Variants in ARB2A observed in about 807,000 individuals in gnomAD.
ARB2A encodes the protein ARB2 cotranscriptional regulator A, also known as cotranscriptional regulator ARB2A.
At chr5:94,015,766 T>A in the ARB2A span, among the ~76,000 whole-genome samples, 2 of 152,098 alleles carry the variant, frequency 1.3e-5, no homozygotes, top group African/African-American at 4.8e-5. Context: ...GTAAACCTCA[T>A]GATAACCACA....
At chr5:93,725,342 A>G in the ARB2A span, among the ~76,000 whole-genome samples, 1 of 152,084 alleles carries the variant, frequency 6.6e-6, no homozygotes. Context: ...TAATACCCCT[A>G]TCTCTTTCCA....
At chr5:93,901,303 G>A in the ARB2A span, among the ~76,000 whole-genome samples, 1 of 152,174 alleles carries the variant, frequency 6.6e-6, no homozygotes, top group Non-Finnish European at 1.5e-5. Context: ...CAAAGTAGAG[G>A]AGGAAATAAG....
At chr5:93,746,008 G>A in the ARB2A span, among the ~76,000 whole-genome samples, 8 of 152,250 alleles carry the variant, frequency 5.3e-5, no homozygotes, top group South Asian at 1.7e-3. Flanking sequence ...GAAAACTCTG[G>A]CAGCTGAGTA....
the ARB2A span, among the ~76,000 whole-genome samples, chr5:93,856,207 G>A: frequency 6.6e-6 from 1 of 152,072 alleles, no homozygotes; most frequent in Non-Finnish European, 1.5e-5. Context: ...TTTCTCTCTG[G>A]CTGCCCTTAA....
At chr5:93,780,404 A>C in the ARB2A span, among the ~76,000 whole-genome samples, 4 of 151,744 alleles carry the variant, frequency 2.6e-5, no homozygotes, top group Admixed American at 2.6e-4. Flanking sequence ...TTTACCTTTT[A>C]CCTCTCTCTC....
the ARB2A span, among the ~76,000 whole-genome samples, chr5:93,996,297 A>G: frequency 6.6e-6 from 1 of 152,152 alleles, no homozygotes; most frequent in Non-Finnish European, 1.5e-5. Context: ...CAAAAAATAA[A>G]TAACTGTTTC....
At chr5:93,860,247 C>A in the ARB2A span, among the ~76,000 whole-genome samples, 1 of 152,072 alleles carries the variant, frequency 6.6e-6, no homozygotes, top group East Asian at 1.9e-4. Flanking sequence ...GAGCCAAGAT[C>A]GTGCCACTGC....
chr5:94,087,980 C>G, the ARB2A span, among the ~76,000 whole-genome samples: 1 of 152,168 alleles, frequency 6.6e-6, no homozygotes, highest in Non-Finnish European at 1.5e-5. Context: ...CAGAAAATAT[C>G]CCCAACATTA....
the ARB2A span, among the ~76,000 whole-genome samples, chr5:93,983,987 T>C: frequency 1.3e-5 from 2 of 152,146 alleles, no homozygotes; most frequent in Non-Finnish European, 2.9e-5. Context: ...CTGGATTTGA[T>C]CCTGTACTTC....
chr5:94,064,501 CCAAT>C, the ARB2A span, among the ~76,000 whole-genome samples: 1 of 152,062 alleles, frequency 6.6e-6, no homozygotes, highest in Non-Finnish European at 1.5e-5. Flanking sequence ...ACATAAATCC[CCAAT>C]CAAATACAAT....
chr5:93,676,868 T>C, the ARB2A span, among the ~76,000 whole-genome samples: 3 of 152,178 alleles, frequency 2.0e-5, no homozygotes, highest in Non-Finnish European at 4.4e-5. Flanking sequence ...TGGTGCTCAA[T>C]GACTGCTTGT....
At chr5:93,975,221 G>T in the ARB2A span, among the ~76,000 whole-genome samples, 1 of 150,980 alleles carries the variant, frequency 6.6e-6, no homozygotes, top group East Asian at 2.0e-4. Context: ...AGAGACTGAG[G>T]CAGGAGAATC....
At chr5:93,984,164 T>C in the ARB2A span, among the ~76,000 whole-genome samples, 1 of 152,128 alleles carries the variant, frequency 6.6e-6, no homozygotes, top group Non-Finnish European at 1.5e-5. Context: ...TAAAGGGGGA[T>C]AATGTTTTGA....
the ARB2A span, among the ~76,000 whole-genome samples, chr5:93,673,229 G>A: frequency 6.6e-6 from 1 of 152,162 alleles, no homozygotes; most frequent in African/African-American, 2.4e-5. Context: ...AAGCAGCACT[G>A]CTTACTGACC....
At chr5:93,844,954 AT>A in the ARB2A span, among the ~76,000 whole-genome samples, 1 of 152,212 alleles carries the variant, frequency 6.6e-6, no homozygotes, top group Admixed American at 6.5e-5. Flanking sequence ...ACTTATGAAA[AT>A]GTTGTGTTTT....
At chr5:93,665,074 G>A in the ARB2A span, among the ~76,000 whole-genome samples, 1 of 152,144 alleles carries the variant, frequency 6.6e-6, no homozygotes, top group African/African-American at 2.4e-5. Flanking sequence ...TAACCTGCCT[G>A]TCTTGGCCTC....
the ARB2A span, among the ~76,000 whole-genome samples, chr5:94,091,435 A>G: frequency 6.6e-6 from 1 of 152,218 alleles, no homozygotes; most frequent in Non-Finnish European, 1.5e-5. Context: ...TGAAGAAAGT[A>G]GTTAAAGACC....
chr5:93,899,269 C>T, the ARB2A span, among the ~76,000 whole-genome samples: 4 of 152,114 alleles, frequency 2.6e-5, no homozygotes, highest in Admixed American at 6.6e-5. Flanking sequence ...CATCTACCTA[C>T]AAACTCTGTC....
At chr5:94,046,819 A>C in the ARB2A span, among the ~76,000 whole-genome samples, 1 of 152,234 alleles carries the variant, frequency 6.6e-6, no homozygotes, top group African/African-American at 2.4e-5. Flanking sequence ...AGACAGGTCC[A>C]CAGATGCATT....
Sources: gnomAD v4.1 joint callset for allele counts (sites outside exome capture counted in the v4.1 genomes callset) on GRCh38, gnomAD v4.1.1 for gene constraint, MANE v1.5 for transcripts, NCBI Gene and HGNC (gene_info 2026-07-23, HGNC 2026-07-21) for gene names.